MYO10: variants seen among roughly 807,000 people sequenced by gnomAD.
MYO10 encodes the protein unconventional myosin-X.
A neutral mutation model predicts 257.3 loss-of-function variants in MYO10; 133 were observed. That is an observed-to-expected ratio of 0.52 (90% CI 0.45 to 0.60). The LOEUF (loss-of-function observed/expected upper bound fraction) is 0.60. MYO10 is among the 20% of genes least tolerant of loss of function. MYO10 has a pLI of 0.00. For synonymous variants in MYO10, 1,104 were observed against 1,028.6 expected (o/e 1.07, Z -1.40); for missense variants, 2,399 against 2,635.7 (o/e 0.91, Z 1.97).
At chr5:16,777,527 G>C (rs571868182) in intron 9 of MYO10, among the ~76,000 whole-genome samples, 2 of 152,230 alleles carry the variant, frequency 1.3e-5, no homozygotes, top group South Asian at 2.1e-4. Flanking sequence ...GTCTTCCAGC[G>C]GCAGCCTAGG....
chr5:16,670,880 A>G lies in MYO10; in HGVS notation c.5529T>C (p.Thr1843=), dbSNP rs762347931. The change falls in exon 39 of 41, where the codon ACT becomes ACC. Residue 1843 remains threonine, a synonymous_variant. Transcript: ENST00000513610. ...CGAGAGGTGGGATGGCAGCGTGCAG[A>G]GTATAATCCCCCTGCAGATACTGGA... ...LRLQYLQGDY[T]LHAAIPPLEE... is the part of the protein sequence containing the mutation. 6.2e-7 allele frequency: 1 copy of G among 1,613,906 alleles called. No homozygotes were observed. Among genetic ancestry groups the G allele is most frequent in the South Asian group, 1.1e-5 (1 of 91,086 alleles).
intron 2 of MYO10, among the ~76,000 whole-genome samples, chr5:16,840,596 A>G (rs375127847): frequency 6.6e-6 from 1 of 152,284 alleles, no homozygotes; most frequent in South Asian, 2.1e-4. Flanking sequence ...CCAGGAACAG[A>G]GCCACTACAA....
chr5:16,788,596 C>A (rs1246705233), intron 4 of MYO10, among the ~76,000 whole-genome samples: 1 of 151,930 alleles, frequency 6.6e-6, no homozygotes, highest in Admixed American at 6.6e-5. Context: ...AGTGATGACA[C>A]CTAAGGGGCA....
chr5:16,745,946 A>G (rs973973341), intron 19 of MYO10, among the ~76,000 whole-genome samples: 3 of 152,160 alleles, frequency 2.0e-5, no homozygotes, highest in East Asian at 1.9e-4. Flanking sequence ...CCAGACCCCA[A>G]GAGAGGGTTC....
intron 26 of MYO10, among the ~76,000 whole-genome samples, chr5:16,696,019 T>C (rs1579844041): frequency 6.6e-6 from 1 of 152,240 alleles, no homozygotes; most frequent in African/African-American, 2.4e-5. Context: ...TCTGGGTTTC[T>C]CAAAACAAGC....
intron 3 of MYO10, among the ~76,000 whole-genome samples, chr5:16,797,675 G>A (rs1327463176): frequency 2.8e-4 from 43 of 152,212 alleles, no homozygotes. Context: ...CAATGTGAAT[G>A]AGCCTTGGAG....
At chr5:16,818,427 C>CGTATATATATGT (rs1561000965) in intron 2 of MYO10, among the ~76,000 whole-genome samples, 3 of 139,044 alleles carry the variant, frequency 2.2e-5, no homozygotes, top group African/African-American at 8.6e-5. Flanking sequence ...TATATATATA[C>CGTATATATATGT]ACATATCTTT....
Position 16,751,599 on chromosome 5 carries a change from A to G in MYO10, c.1929+3229T>C, listed in dbSNP as rs190945076. Among the ~76,000 whole-genome samples the G allele has an allele frequency of 1.2e-4, 18 of 151,726 alleles. No homozygotes were observed. The East Asian group carries it at 3.5e-3, about 29-fold the overall frequency. ...CAGGTTCAGGTAATTCTCCTGCCTT[A>G]GCCTCCCAAGTAGCTGGGATTACAG... On this transcript the variant is annotated intron_variant, in intron 19 of 40. Transcript: ENST00000513610.
chr5:16,666,874 C>T, intron 40 of MYO10, 81 bp from the exon 41 acceptor site: 1 of 1,129,720 alleles, frequency 8.9e-7, no homozygotes, highest in South Asian at 1.4e-5. Flanking sequence ...CCAGACATTC[C>T]CTGGGCACCC....
At chr5:16,668,602 G>A in intron 39 of MYO10, 134 bp from the exon 40 acceptor site, 2 of 616,426 alleles carry the variant, frequency 3.2e-6, no homozygotes, top group South Asian at 6.8e-5. Flanking sequence ...ATGCATGCAT[G>A]GAGGGGCCTG....
intron 25 of MYO10, 160 bp from the exon 26 acceptor site, chr5:16,699,733 G>T: frequency 2.8e-6 from 2 of 707,148 alleles, no homozygotes; most frequent in Non-Finnish European, 2.2e-6. Flanking sequence ...ACTGCACTGA[G>T]CAGAGATCGT....
chr5:16,703,726 AC>A (rs1157426800), intron 22 of MYO10, among the ~76,000 whole-genome samples: 2 of 152,038 alleles, frequency 1.3e-5, no homozygotes, highest in African/African-American at 4.8e-5. Flanking sequence ...TACTAAAAAT[AC>A]AAAAATTAGC....
At chr5:16,700,331 T>TA (rs1172315543) in intron 25 of MYO10, among the ~76,000 whole-genome samples, 1 of 151,788 alleles carries the variant, frequency 6.6e-6, no homozygotes, top group Non-Finnish European at 1.5e-5. Context: ...ATTCAAATTG[T>TA]AAAAAAAGGG....
chr5:16,821,602 G>A (rs1324360015), intron 2 of MYO10, among the ~76,000 whole-genome samples: 2 of 151,474 alleles, frequency 1.3e-5, no homozygotes. Flanking sequence ...GAGTAGCTGG[G>A]ACTACAGGCG....
At chr5:16,920,183 A>G (rs1187415692) in intron 1 of MYO10, among the ~76,000 whole-genome samples, 2 of 152,192 alleles carry the variant, frequency 1.3e-5, no homozygotes, top group Admixed American at 6.5e-5. Context: ...CTGAGGCAGG[A>G]GAATCACTTG....
chr5:16,848,018 T>G (rs540339428), intron 2 of MYO10, among the ~76,000 whole-genome samples: 2 of 152,130 alleles, frequency 1.3e-5, no homozygotes, highest in Admixed American at 1.3e-4. Flanking sequence ...AGAACCCAAA[T>G]GAAAACAGCA....
chr5:16,689,849 T>G lies in MYO10; in HGVS notation c.3871A>C (p.Ile1291Leu). The G allele has an allele frequency of 6.2e-7, 1 of 1,613,494 alleles. No individual in the cohort carries two copies. The highest frequency in any genetic ancestry group is 8.5e-7 in the Non-Finnish European group (1 of 1,179,570). The change falls in exon 28 of 41, where the codon ATT (isoleucine) becomes CTT (leucine). Residue 1291 changes from isoleucine (I) to leucine (L), a missense_variant. By Grantham distance (5) the Ile-to-Leu change is conservative. Around this residue, in one of 3 missense-constraint regions of MYO10, gnomAD observed 1,820 missense variants for 1,939.4 expected, o/e 0.94. Coordinates refer to ENST00000513610, the MANE Select transcript of MYO10 (RefSeq NM_012334.3). ...IIMADRTFHLIAESPEDASQW... is the reference protein window; with the variant it reads ...IIMADRTFHLLAESPEDASQW... ...CTGGCATCTTCTGGGGACTCTGCAATCAGGTGGAAAGTCCTATCGGCCATA... is the reference window on the plus strand; with the variant it reads ...CTGGCATCTTCTGGGGACTCTGCAAGCAGGTGGAAAGTCCTATCGGCCATA...
chr5:16,838,168 C>T (rs1015208537), intron 2 of MYO10, among the ~76,000 whole-genome samples: 1 of 152,182 alleles, frequency 6.6e-6, no homozygotes, highest in East Asian at 1.9e-4. Context: ...GCATCTCTCA[C>T]TTTAAATCAA....
Position 16,694,601 on chromosome 5 carries a change from G to A in MYO10, c.3570C>T (p.Asn1190=). The change falls in exon 27 of 41, where the codon AAC becomes AAT. Residue 1190 remains asparagine, a synonymous_variant. Coordinates refer to ENST00000513610, the MANE Select transcript of MYO10 (RefSeq NM_012334.3). The part of the protein sequence containing the change: ...SFLYMKGGLM[N]SWKRRWCVLK... The stretch of plus-strand genomic sequence containing the variant: ...GGACGCACCAGCGGCGTTTCCAAGA[G>A]TTCATCAGGCCACCTGTTCCCCGTG... The A allele has an allele frequency of 1.2e-6, 2 of 1,613,834 alleles. No individual in the cohort carries two copies. The highest frequency in any genetic ancestry group is 1.7e-6 in the Non-Finnish European group (2 of 1,179,882).
Sources: gnomAD v4.1 joint callset for allele counts (sites outside exome capture counted in the v4.1 genomes callset) on GRCh38, gnomAD v4.1.1 for gene constraint, gnomAD v4.1.1 regional missense constraint, MANE v1.5 for transcripts, NCBI Gene and HGNC (gene_info 2026-07-23, HGNC 2026-07-21) for gene names.